Variants in NAV2 observed in about 807,000 individuals in gnomAD.
The protein encoded by NAV2 is neuron navigator 2.
In NAV2, 54 loss-of-function variants were observed where a neutral mutation model predicts 223.2. That is an observed-to-expected ratio of 0.24 (90% CI 0.19 to 0.30). NAV2 has a LOEUF of 0.30. NAV2 is among the 10% of genes least tolerant of loss of function. The pLI, the probability that NAV2 is intolerant of heterozygous loss-of-function variation, is 1.00. For missense variants in NAV2, 2,806 were observed against 3,147.5 expected (o/e 0.89, Z 2.60); for synonymous variants, 1,279 against 1,239.3 (o/e 1.03, Z -0.67).
At chr11:20,112,938 G>A (rs1023298754) in intron 36 of NAV2, among the ~76,000 whole-genome samples, 8 of 152,186 alleles carry the variant, frequency 5.3e-5, no homozygotes, top group Non-Finnish European at 1.5e-5. Flanking sequence ...CAGGATTCGC[G>A]GGAGGGCAGG....
chr11:20,091,053 T>A (rs1382784496), intron 27 of NAV2, 35 bp downstream of exon 27: 3 of 1,604,164 alleles, frequency 1.9e-6, no homozygotes, highest in South Asian at 2.2e-5. Flanking sequence ...AGCTCAAGGC[T>A]GTCTATGAAG....
At chr11:19,797,104 A>T (rs971338585) in intron 1 of NAV2, among the ~76,000 whole-genome samples, 1 of 152,154 alleles carries the variant, frequency 6.6e-6, no homozygotes, top group Admixed American at 6.5e-5. Context: ...GAGTGATGTG[A>T]TGGAGGCATG....
chr11:20,071,537 C>T (rs1272329066), intron 22 of NAV2, among the ~76,000 whole-genome samples: 1 of 152,196 alleles, frequency 6.6e-6, no homozygotes, highest in Non-Finnish European at 1.5e-5. Flanking sequence ...GGAATTGCCA[C>T]ACTGTCTTAC....
intron 17 of NAV2, among the ~76,000 whole-genome samples, chr11:20,053,549 T>C (rs1412262515): frequency 6.6e-6 from 1 of 152,176 alleles, no homozygotes; most frequent in African/African-American, 2.4e-5. Context: ...CAATTTGGGG[T>C]TGCTTTTATG....
intron 1 of NAV2, among the ~76,000 whole-genome samples, chr11:19,720,580 T>C (rs1308279266): frequency 6.6e-6 from 1 of 152,222 alleles, no homozygotes; most frequent in African/African-American, 2.4e-5. Flanking sequence ...GTCAAGATAA[T>C]TGTGATCCCA....
At chr11:20,045,858 C>A (rs948914296) in intron 14 of NAV2, among the ~76,000 whole-genome samples, 188 bp downstream of exon 14, 3 of 152,192 alleles carry the variant, frequency 2.0e-5, no homozygotes, top group Non-Finnish European at 2.9e-5. Flanking sequence ...AAAACTTAGG[C>A]CTCTGGAATC....
At chr11:19,740,950 T>C (rs2052745573) in intron 1 of NAV2, among the ~76,000 whole-genome samples, 1 of 152,210 alleles carries the variant, frequency 6.6e-6, no homozygotes, top group Non-Finnish European at 1.5e-5. Context: ...CTCTTCTTCC[T>C]GCTGCTTCCA....
intron 1 of NAV2, among the ~76,000 whole-genome samples, chr11:19,404,124 C>G (rs539615076): frequency 6.6e-6 from 1 of 151,956 alleles, no homozygotes; most frequent in Non-Finnish European, 1.5e-5. Context: ...GTACAGGGTG[C>G]GAGACAGAGA....
chr11:20,105,800 C>A, intron 35 of NAV2, 73 bp downstream of exon 35: 1 of 1,173,770 alleles, frequency 8.5e-7, no homozygotes, highest in Non-Finnish European at 1.2e-6. Context: ...CTGGCCAGGA[C>A]AGCACTTTGC....
At chr11:20,069,573 C>T (rs1335925363) in intron 22 of NAV2, among the ~76,000 whole-genome samples, 1 of 152,140 alleles carries the variant, frequency 6.6e-6, no homozygotes, top group Admixed American at 6.5e-5. Flanking sequence ...TGATGCACAG[C>T]TGTGACCAGG....
intron 19 of NAV2, among the ~76,000 whole-genome samples, chr11:20,059,462 T>C (rs2058568250): frequency 6.6e-6 from 1 of 152,194 alleles, no homozygotes; most frequent in Non-Finnish European, 1.5e-5. Flanking sequence ...TTTCATTCTA[T>C]CTAGTGTTTT....
chr11:19,419,586 C>T (rs535595371), intron 1 of NAV2, among the ~76,000 whole-genome samples: 1 of 152,292 alleles, frequency 6.6e-6, no homozygotes, highest in East Asian at 1.9e-4. Flanking sequence ...GATAGAAATG[C>T]ATATTCCAAA....
intron 27 of NAV2, among the ~76,000 whole-genome samples, chr11:20,091,734 G>T (rs1360473148): frequency 6.6e-6 from 1 of 152,062 alleles, no homozygotes; most frequent in Non-Finnish European, 1.5e-5. Flanking sequence ...GTTTCACAAA[G>T]GAGGTTCCCT....
chr11:19,542,672 G>A (rs1036638248), intron 1 of NAV2, among the ~76,000 whole-genome samples: 1 of 152,240 alleles, frequency 6.6e-6, no homozygotes, highest in East Asian at 1.9e-4. Flanking sequence ...CATAAGCAGA[G>A]CTGTTACTCT....
intron 31 of NAV2, among the ~76,000 whole-genome samples, chr11:20,100,484 G>T (rs1327035477): frequency 6.6e-6 from 1 of 152,008 alleles, no homozygotes; most frequent in Admixed American, 6.6e-5. Flanking sequence ...CAACCTCAGG[G>T]TTGTGACAGA....
intron 1 of NAV2, among the ~76,000 whole-genome samples, chr11:19,637,169 G>A (rs1346221084): frequency 6.6e-6 from 1 of 152,170 alleles, no homozygotes; most frequent in Non-Finnish European, 1.5e-5. Flanking sequence ...TATCCCAACA[G>A]AAAGCTTCAA....
At chr11:19,673,480 G>A (rs1276622655) in intron 1 of NAV2, among the ~76,000 whole-genome samples, 5 of 152,208 alleles carry the variant, frequency 3.3e-5, no homozygotes, top group Non-Finnish European at 5.9e-5. Context: ...ACCCAGAGAA[G>A]TTTGATTCCA....
intron 1 of NAV2, among the ~76,000 whole-genome samples, chr11:19,586,238 T>G (rs568519079): frequency 6.6e-6 from 1 of 152,362 alleles, no homozygotes; most frequent in Non-Finnish European, 1.5e-5. Context: ...ATGAGGTCCT[T>G]TAAGGACTTT....
In NAV2 at chr11:19,865,724, T is replaced by G. The variant is rs1378909416; in HGVS notation, c.439-3201T>G. 2.6e-5 allele frequency among the ~76,000 whole-genome samples: 4 copies of G among 152,362 alleles called. No homozygotes were observed. The East Asian group carries it at 7.7e-4, about 29-fold the overall frequency. ...TTAAATAATGACAAAGTTCTAGTTT[T>G]AACATCTTCTGGAGTGCAGACCAGC... On this transcript the variant is annotated intron_variant, in intron 3 of 37. Transcript: ENST00000349880.
Sources: allele counts gnomAD v4.1 joint callset (sites outside exome capture counted in the v4.1 genomes callset), GRCh38; gene constraint gnomAD v4.1.1; transcripts MANE v1.5; gene names NCBI Gene and HGNC (gene_info 2026-07-23, HGNC 2026-07-21).